Variants in HSD17B12 observed in about 807,000 individuals in gnomAD.
HSD17B12 encodes the protein hydroxysteroid 17-beta dehydrogenase 12.
In HSD17B12, 32 loss-of-function variants were observed where a neutral mutation model predicts 39.3. The observed-to-expected ratio is 0.81, with a 90% confidence interval of 0.61 to 1.09. The LOEUF is 1.09. HSD17B12 is among the 50% of genes least tolerant of loss of function. The probability of loss-of-function intolerance (pLI) is 0.00; values close to 1 mark genes in which losing one functional copy is unlikely to be tolerated. For synonymous variants in HSD17B12, 150 were observed against 146.7 expected (o/e 1.02, Z -0.16); for missense variants, 342 against 382.9 (o/e 0.89, Z 0.89).
At chr11:43,624,159 C>A in the HSD17B12 span, among the ~76,000 whole-genome samples, 1 of 151,796 alleles carries the variant, frequency 6.6e-6, no homozygotes, top group African/African-American at 2.4e-5. Flanking sequence ...CTTCACTCTG[C>A]GAGTTTGAAG....
the HSD17B12 span, among the ~76,000 whole-genome samples, chr11:43,571,280 A>G: frequency 6.6e-6 from 1 of 152,186 alleles, no homozygotes; most frequent in African/African-American, 2.4e-5. Flanking sequence ...AACATGCTGC[A>G]GATTGTTCTT....
At chr11:43,684,716 C>G (rs1458081960) in intron 1 of HSD17B12, among the ~76,000 whole-genome samples, 1 of 152,092 alleles carries the variant, frequency 6.6e-6, no homozygotes, top group Admixed American at 6.5e-5. Flanking sequence ...AATTAATATA[C>G]CATACAATTT....
chr11:43,726,951 C>T (rs1950227255), intron 1 of HSD17B12, among the ~76,000 whole-genome samples: 1 of 152,024 alleles, frequency 6.6e-6, no homozygotes, highest in African/African-American at 2.4e-5. Context: ...TTTAAGGCTT[C>T]CATTAATTGG....
intron 1 of HSD17B12, among the ~76,000 whole-genome samples, chr11:43,725,594 T>C (rs2134875357): frequency 6.6e-6 from 1 of 152,318 alleles, no homozygotes; most frequent in Admixed American, 6.5e-5. Context: ...TTATCAATAA[T>C]CTATATGCCA....
At chr11:43,577,887 A>G in the HSD17B12 span, among the ~76,000 whole-genome samples, 10 of 152,314 alleles carry the variant, frequency 6.6e-5, no homozygotes, top group African/African-American at 2.4e-4. Flanking sequence ...TAAGTTGCCA[A>G]ATGTTATTGG....
the HSD17B12 span, among the ~76,000 whole-genome samples, chr11:43,667,153 T>C: frequency 6.6e-6 from 1 of 152,178 alleles, no homozygotes; most frequent in Admixed American, 6.5e-5. Flanking sequence ...CTGAGTTTAT[T>C]TATTTTTTAT....
chr11:43,756,865 G>A (rs1950511689), intron 3 of HSD17B12, among the ~76,000 whole-genome samples: 1 of 152,212 alleles, frequency 6.6e-6, no homozygotes, highest in African/African-American at 2.4e-5. Flanking sequence ...TGTGATTCTG[G>A]AGAAAGAGAG....
chr11:43,800,577 G>A (rs910920851), intron 4 of HSD17B12, among the ~76,000 whole-genome samples: 3 of 152,132 alleles, frequency 2.0e-5, no homozygotes, highest in Admixed American at 6.5e-5. Flanking sequence ...GATTTTAGGC[G>A]TGACAGATCT....
chr11:43,689,603 G>A (rs1210318093), intron 1 of HSD17B12, among the ~76,000 whole-genome samples: 1 of 152,118 alleles, frequency 6.6e-6, no homozygotes. Context: ...CTGGAGGGCT[G>A]TGGTGTGATC....
chr11:43,742,139 A>ATATATATTTTTT (rs61178234), intron 1 of HSD17B12, among the ~76,000 whole-genome samples: 4 of 123,510 alleles, frequency 3.2e-5, no homozygotes, highest in African/African-American at 1.2e-4. Flanking sequence ...ATATATATAT[A>ATATATATTTTTT]TTTTTTTTTT....
At chr11:43,740,826 C>G (rs1476255825) in intron 1 of HSD17B12, among the ~76,000 whole-genome samples, 3 of 152,134 alleles carry the variant, frequency 2.0e-5, no homozygotes, top group African/African-American at 7.2e-5. Context: ...TATTCCAGGC[C>G]ACAATATGCT....
At chr11:43,609,555 G>A in the HSD17B12 span, among the ~76,000 whole-genome samples, 6 of 151,872 alleles carry the variant, frequency 4.0e-5, no homozygotes, top group Non-Finnish European at 8.8e-5. Context: ...TAGAGATGGG[G>A]TGGGGGGTCT....
the HSD17B12 span, among the ~76,000 whole-genome samples, chr11:43,595,111 C>A: frequency 6.6e-6 from 1 of 152,336 alleles, no homozygotes; most frequent in East Asian, 1.9e-4. Context: ...CTGACACTAG[C>A]AGCACCGAAG....
intron 9 of HSD17B12, among the ~76,000 whole-genome samples, chr11:43,840,772 T>A (rs1331298036): frequency 3.9e-5 from 6 of 152,202 alleles, no homozygotes; most frequent in East Asian, 1.9e-4. Flanking sequence ...TCCATTTACA[T>A]GTTAGTGGGC....
At chr11:43,823,409 T>C (rs1420313015) in intron 6 of HSD17B12, among the ~76,000 whole-genome samples, 1 of 152,162 alleles carries the variant, frequency 6.6e-6, no homozygotes, top group African/African-American at 2.4e-5. Flanking sequence ...TAGTTAGGAC[T>C]ACAGGCATGC....
chr11:43,695,295 T>C (rs570758783), intron 1 of HSD17B12, among the ~76,000 whole-genome samples: 4 of 152,238 alleles, frequency 2.6e-5, no homozygotes, highest in Admixed American at 6.5e-5. Context: ...ATTATCTTTA[T>C]TGGCCGGGCG....
the HSD17B12 span, among the ~76,000 whole-genome samples, chr11:43,562,893 C>T: frequency 6.6e-6 from 1 of 152,186 alleles, no homozygotes; most frequent in Non-Finnish European, 1.5e-5. Flanking sequence ...TCAGTCAATG[C>T]ATAGCACAGA....
intron 3 of HSD17B12, among the ~76,000 whole-genome samples, chr11:43,778,392 A>C (rs1950731511): frequency 6.6e-6 from 1 of 152,248 alleles, no homozygotes; most frequent in Admixed American, 6.5e-5. Flanking sequence ...TCACAGCCGA[A>C]TTCTACCAGA....
At chr11:43,769,606 G>C (rs1286597090) in intron 3 of HSD17B12, among the ~76,000 whole-genome samples, 1 of 152,134 alleles carries the variant, frequency 6.6e-6, no homozygotes, top group African/African-American at 2.4e-5. Flanking sequence ...AAAATCTCAA[G>C]GCCTCTTGAA....
Sources: gnomAD v4.1 joint callset for allele counts (sites outside exome capture counted in the v4.1 genomes callset) on GRCh38, gnomAD v4.1.1 for gene constraint, MANE v1.5 for transcripts, NCBI Gene and HGNC (gene_info 2026-07-23, HGNC 2026-07-21) for gene names.